TTBK1: variants seen among roughly 807,000 people sequenced by gnomAD.
The protein encoded by TTBK1 is tau tubulin kinase 1, also known as tau-tubulin kinase 1.
In TTBK1, 34 loss-of-function variants were observed where a neutral mutation model predicts 108.5. The ratio of observed to expected loss-of-function variants is 0.31; its 90% CI spans 0.24 to 0.42. The LOEUF (loss-of-function observed/expected upper bound fraction) is 0.42, where lower values mean the gene tolerates loss of function less well. Ranked by LOEUF, TTBK1 falls within the 10% of genes least tolerant of loss-of-function variation. TTBK1 has a pLI of 1.00. For missense variants in TTBK1, 1,539 were observed against 1,826.0 expected (o/e 0.84, Z 2.86); for synonymous variants, 809 against 795.1 (o/e 1.02, Z -0.29).
At position 43,256,570 on chromosome 6, in the gene TTBK1, T is replaced by A. The variant is rs189144146; in HGVS notation, c.861+714T>A. Among the ~76,000 whole-genome samples, 694 of 152,042 alleles carry A rather than the reference T, an allele frequency of 4.6e-3. 3 individuals carry two copies. The highest frequency in any genetic ancestry group is 0.015 in the African/African-American group (627 of 41,510). On this transcript the variant is annotated intron_variant, in intron 9 of 14. Coordinates refer to ENST00000259750, the MANE Select transcript of TTBK1 (RefSeq NM_032538.3). ...CCTGGCCAGCATGGTGAAACCCTGT[T>A]TCTACTAAAAATACAAAAATTAGCC...
rs936502383 is a variant in TTBK1 at position 43,269,984 on chromosome 6, G to A, written c.1986+6634G>A. 6.1e-5 allele frequency: 70 copies of A among 1,156,478 alleles called. No homozygotes were observed. Among genetic ancestry groups the A allele is most frequent in the Middle Eastern group, 3.0e-4 (1 of 3,312 alleles). 71.6% of individuals were successfully genotyped at this position (1,156,478 alleles called of 1,614,324 possible). On this transcript the variant is annotated intron_variant, in intron 13 of 14. Coordinates refer to ENST00000259750, the MANE Select transcript of TTBK1 (RefSeq NM_032538.3). The surrounding 1 kb of genome is among the most constrained non-coding windows in gnomAD (Gnocchi z 4.8). ...CCCCCCCCTCCTGGAGGGGGCAGGT[G>A]GGGGGGGGTGGGGAGCAGGCAGAGG...
intron 6 of TTBK1, 138 bp downstream of exon 6, chr6:43,254,789 T>G (rs1444931332): frequency 2.1e-6 from 1 of 475,700 alleles, no homozygotes. Flanking sequence ...CAGCTCTGGG[T>G]GTCCACACTC....
chr6:43,246,817 C>T, intron 2 of TTBK1, 49 bp downstream of exon 2: 1 of 1,493,044 alleles, frequency 6.7e-7, no homozygotes, highest in Non-Finnish European at 9.2e-7. Context: ...GGGAGGGAGG[C>T]GAGGACCTGG....
Position 43,255,030 on chromosome 6 carries a change from G to A in TTBK1, c.577-19G>A. ...TGAGGGCATGGTGGGTGACGTTCTTGGTGGTCTCCCTTCTGCAGCCTCGGA... is the reference window on the plus strand; with the variant it reads ...TGAGGGCATGGTGGGTGACGTTCTTAGTGGTCTCCCTTCTGCAGCCTCGGA... On this transcript the variant is annotated intron_variant, in intron 6 of 14. Transcript: ENST00000259750. 1 of 1,613,422 alleles carries A rather than the reference G, an allele frequency of 6.2e-7. No homozygotes were observed. The highest frequency in any genetic ancestry group is 8.5e-7 in the Non-Finnish European group (1 of 1,179,606).
chr6:43,254,981 G>T, intron 6 of TTBK1, 68 bp from the exon 7 acceptor site: 1 of 1,473,196 alleles, frequency 6.8e-7, no homozygotes, highest in South Asian at 1.1e-5. Context: ...TAGACTTGGT[G>T]GCAGGGTTGA....
At chr6:43,279,953 C>T (rs559688681) in intron 13 of TTBK1, among the ~76,000 whole-genome samples, 1 of 149,530 alleles carries the variant, frequency 6.7e-6, no homozygotes, top group East Asian at 2.0e-4. Flanking sequence ...TTGCCATGTT[C>T]CCCAGGCTGA....
chr6:43,261,211 G>A (rs1777532297), intron 12 of TTBK1, among the ~76,000 whole-genome samples: 1 of 152,168 alleles, frequency 6.6e-6, no homozygotes, highest in East Asian at 1.9e-4. Flanking sequence ...AAGCCCCACA[G>A]GCAGTTCTGA....
At chr6:43,266,851 G>T (rs977283042) in intron 13 of TTBK1, among the ~76,000 whole-genome samples, 4 of 152,116 alleles carry the variant, frequency 2.6e-5, no homozygotes, top group African/African-American at 9.7e-5. Context: ...CCTGACCTCA[G>T]GTGATCTGCC....
At chr6:43,254,741 T>G in intron 6 of TTBK1, 90 bp downstream of exon 6, 1 of 1,212,396 alleles carries the variant, frequency 8.2e-7, no homozygotes, top group Non-Finnish European at 1.2e-6. Context: ...TACAGCTGCC[T>G]AAGCTGGCCT....
rs55666504 is a variant in TTBK1 at position 43,253,603 on chromosome 6, G to T, written c.366G>T (p.Pro122=). The T allele has an allele frequency of 2.5e-6, 4 of 1,612,754 alleles. No homozygotes were observed. Among genetic ancestry groups the T allele is most frequent in the South Asian group, 2.2e-5 (2 of 91,004 alleles). The change falls in exon 5 of 15, where the codon CCG becomes CCT. Residue 122 remains proline, a synonymous_variant. Coordinates refer to ENST00000259750, the MANE Select transcript of TTBK1 (RefSeq NM_032538.3). This position sits in a 1 kb window ranked among gnomAD's most constrained non-coding sequence, Gnocchi z 5.8. ...TGGCCGACCTGCGCCGTAGCCAGCC[G>T]CGAGGCACCTTCACGCTGAGCACCA... The part of the protein sequence containing the change: ...RNLADLRRSQ[P]RGTFTLSTTL...
chr6:43,262,898 A>G lies in TTBK1; in HGVS notation c.1534A>G (p.Met512Val). 1 of 1,613,826 alleles carries G rather than the reference A, an allele frequency of 6.2e-7. No individual in the cohort carries two copies. Among genetic ancestry groups the G allele is most frequent in the East Asian group, 2.2e-5 (1 of 44,870 alleles). ...CGCTGACCGACAGGCCAGTGGCCGC[A>G]TGGACGTGTCAGCCTCTGTGGAGCA... ...GHADRQASGRMDVSASVEQEA... is the reference protein window; with the variant it reads ...GHADRQASGRVDVSASVEQEA... The change falls in exon 13 of 15, where the codon ATG becomes GTG. Residue 512 changes from methionine (M) to valine (V), a missense_variant. Met to Val is a conservative substitution (Grantham distance 21). Transcript: ENST00000259750.
chr6:43,257,952 G>A lies in TTBK1; in HGVS notation c.1002G>A (p.Thr334=), dbSNP rs760473090. Reference sequence around the variant, plus strand: ...CGCCCCAGCAGAACACCCGGCAGACGGCAGCCATGTTTGGGTGAGTCTCAG... The same window carrying A: ...CGCCCCAGCAGAACACCCGGCAGACAGCAGCCATGTTTGGGTGAGTCTCAG... ...STPPQQNTRQ[T]AAMFGVVNVT... is the part of the protein sequence containing the mutation. Residue 334 remains threonine (T), a synonymous_variant, in exon 10 of 15, where the codon ACG becomes ACA. Coordinates refer to ENST00000259750, the MANE Select transcript of TTBK1 (RefSeq NM_032538.3). This position sits in a 1 kb window ranked among gnomAD's most constrained non-coding sequence, Gnocchi z 4.5. 3.1e-5 allele frequency: 50 copies of A among 1,612,914 alleles called. No individual in the cohort carries two copies. The highest frequency in any genetic ancestry group is 1.2e-4 in the South Asian group (11 of 91,062).
chr6:43,250,692 G>A lies in TTBK1; in HGVS notation c.109-2047G>A, dbSNP rs139211576. On this transcript the variant is annotated intron_variant, in intron 2 of 14. Transcript: ENST00000259750. ...GCTATTAACTAGCAGTGTGATGTGG[G>A]GCAAGGTATTGCATTTCCCATGCCT... 1.6e-3 allele frequency among the ~76,000 whole-genome samples: 247 copies of A among 152,242 alleles called. 3 individuals carry two copies. The highest frequency in any genetic ancestry group is 5.7e-3 in the African/African-American group (238 of 41,522).
intron 13 of TTBK1, among the ~76,000 whole-genome samples, chr6:43,281,236 C>T (rs943291887): frequency 5.9e-5 from 9 of 152,094 alleles, no homozygotes; most frequent in South Asian, 4.2e-4. Flanking sequence ...ATTAGCCGGG[C>T]GTGGTGGCGG....
chr6:43,284,322 C>T lies in TTBK1; in HGVS notation c.3572+10C>T, dbSNP rs1281937544. 5.2e-6 allele frequency: 8 copies of T among 1,542,764 alleles called. No homozygotes were observed. Among genetic ancestry groups the T allele is most frequent in the East Asian group, 2.3e-5 (1 of 43,852 alleles). On this transcript the variant is annotated intron_variant, in intron 14 of 14. Coordinates refer to ENST00000259750, the MANE Select transcript of TTBK1 (RefSeq NM_032538.3). ...CAGCCATCACCAGCAGGTGAGAAAC[C>T]GCTGCCAGCCCCAGGGTGGGCAGAG...
intron 13 of TTBK1, among the ~76,000 whole-genome samples, chr6:43,267,923 G>A (rs779989288): frequency 6.6e-6 from 1 of 152,212 alleles, no homozygotes; most frequent in Non-Finnish European, 1.5e-5. Flanking sequence ...GCCCAGTCCT[G>A]CCCTTTTGGA....
chr6:43,259,334 GC>G lies in TTBK1; in HGVS notation c.1248+69del. 7.1e-7 allele frequency: 1 copy of G among 1,411,986 alleles called. No individual in the cohort carries two copies. Among genetic ancestry groups the G allele is most frequent in the Non-Finnish European group, 9.6e-7 (1 of 1,045,290 alleles). The allele number at this position is 1,411,986 out of a possible 1,614,324, so 87.5% of individuals were successfully genotyped here. On this transcript the variant is annotated intron_variant, in intron 11 of 14. Transcript: ENST00000259750. This position sits in a 1 kb window ranked among gnomAD's most constrained non-coding sequence, Gnocchi z 6.7. ...TCTCACCCCCGATTCCCAGCCTTGT[GC>G]CCCTGCCCTGTTCCTCCTAAGCACC...
chr6:43,263,344 G>C lies in TTBK1; in HGVS notation c.1980G>C (p.Gln660His). The change falls in exon 13 of 15, where the codon CAG becomes CAC. Residue 660 changes from glutamine (Q) to histidine (H), a missense_variant. By Grantham distance (24) the Gln-to-His change is conservative. Around this residue, in one of 5 missense-constraint regions of TTBK1, gnomAD observed 1,055 missense variants for 1,086.5 expected, o/e 0.97. Coordinates refer to ENST00000259750, the MANE Select transcript of TTBK1 (RefSeq NM_032538.3). The surrounding 1 kb of genome is among the most constrained non-coding windows in gnomAD (Gnocchi z 4.7). ...GAGAGTCGGACCCCACAGGCCCACAGAGACAGGTAAGGTTGGGCTTGCACC... is the reference window on the plus strand; with the variant it reads ...GAGAGTCGGACCCCACAGGCCCACACAGACAGGTAAGGTTGGGCTTGCACC... The part of the protein sequence containing the change: ...RRRESDPTGP[Q>H]RQVFSVAPPF... 2 of 1,460,426 alleles carry C rather than the reference G, an allele frequency of 1.4e-6. No individual in the cohort carries two copies. The highest frequency in any genetic ancestry group is 1.8e-6 in the Non-Finnish European group (2 of 1,102,502). The allele number at this position is 1,460,426 out of a possible 1,614,324, so 90.5% of individuals were successfully genotyped here.
chr6:43,261,011 A>C (rs1777527085), intron 12 of TTBK1, among the ~76,000 whole-genome samples: 1 of 152,034 alleles, frequency 6.6e-6, no homozygotes, highest in Admixed American at 6.6e-5. Context: ...TCCCCTTTAC[A>C]TCCATCAAAA....
Sources: gnomAD v4.1 joint callset for allele counts (sites outside exome capture counted in the v4.1 genomes callset) on GRCh38, gnomAD v4.1.1 for gene constraint, gnomAD v4.1.1 regional missense constraint, Gnocchi (gnomAD v3.1) non-coding constraint, MANE v1.5 for transcripts, NCBI Gene and HGNC (gene_info 2026-07-23, HGNC 2026-07-21) for gene names.